The following DESI2 variants were observed in gnomAD, a reference collection of about 807,000 sequenced individuals.
DESI2 encodes the protein desumoylating isopeptidase 2, also known as deubiquitinase DESI2.
DESI2 carries 10 observed loss-of-function variants against 24.1 expected under a neutral mutation model. The observed-to-expected ratio is 0.41, with a 90% CI of 0.26 to 0.70. The LOEUF (loss-of-function observed/expected upper bound fraction) is 0.70, where lower values mean the gene tolerates loss of function less well. Among genes scored for constraint, DESI2 ranks in the 30% least tolerant of loss-of-function variants. The probability of loss-of-function intolerance (pLI) is 0.29; values close to 1 mark genes in which losing one functional copy is unlikely to be tolerated. For synonymous variants in DESI2, 71 were observed against 87.7 expected, an observed-to-expected ratio of 0.81 and a Z score of 1.06; for missense variants, 122 against 234.9, an observed-to-expected ratio of 0.52 and a Z score of 3.14.
At chr1:244,662,246 T>TG (rs1675874133) in intron 1 of DESI2, among the ~76,000 whole-genome samples, 1 of 152,234 alleles carries the variant, frequency 6.6e-6, no homozygotes, top group Non-Finnish European at 1.5e-5. Flanking sequence ...CACTTGTTGA[T>TG]GGGGTTGTTT....
chr1:244,679,284 G>A (rs1360233039), intron 1 of DESI2, among the ~76,000 whole-genome samples: 1 of 152,170 alleles, frequency 6.6e-6, no homozygotes, highest in East Asian at 1.9e-4. Context: ...GGGGGAGAAA[G>A]TAAGAGGATA....
intron 4 of DESI2, among the ~76,000 whole-genome samples, chr1:244,703,355 TTTTG>T (rs748250901): frequency 2.0e-5 from 3 of 151,920 alleles, no homozygotes; most frequent in Non-Finnish European, 2.9e-5. Context: ...ATACATTCTT[TTTTG>T]TTTGTTTTGT....
At chr1:244,682,870 ACT>A (rs1347552042) in intron 1 of DESI2, among the ~76,000 whole-genome samples, 3 of 147,196 alleles carry the variant, frequency 2.0e-5, no homozygotes, top group Non-Finnish European at 4.5e-5. Flanking sequence ...AAAAAAAAAA[ACT>A]CAGTGATATT....
intron 1 of DESI2, among the ~76,000 whole-genome samples, chr1:244,672,155 A>G (rs1676269194): frequency 6.6e-6 from 1 of 152,056 alleles, no homozygotes; most frequent in South Asian, 2.1e-4. Flanking sequence ...GCAACATAGC[A>G]AGACTCCATC....
intron 1 of DESI2, among the ~76,000 whole-genome samples, chr1:244,670,794 A>G (rs945001266): frequency 6.6e-6 from 1 of 152,246 alleles, no homozygotes; most frequent in Admixed American, 6.5e-5. Flanking sequence ...CATATGAACA[A>G]ACCAAGGCAA....
At chr1:244,683,277 G>C (rs758474163) in intron 1 of DESI2, among the ~76,000 whole-genome samples, 1 of 152,108 alleles carries the variant, frequency 6.6e-6, no homozygotes, top group Non-Finnish European at 1.5e-5. Flanking sequence ...GGGCCTAGGA[G>C]AAGGTTCAGG....
At chr1:244,668,476 G>T (rs1676126451) in intron 1 of DESI2, among the ~76,000 whole-genome samples, 1 of 152,068 alleles carries the variant, frequency 6.6e-6, no homozygotes, top group Admixed American at 6.5e-5. Flanking sequence ...ACCCTTTTTT[G>T]AGAAATAAGT....
intron 2 of DESI2, among the ~76,000 whole-genome samples, chr1:244,688,822 C>T (rs987010944): frequency 1.3e-5 from 2 of 152,098 alleles, no homozygotes; most frequent in Admixed American, 6.6e-5. Flanking sequence ...TAGTCTTTAT[C>T]CCAGAAACCA....
chr1:244,659,249 A>G (rs1345817866), intron 1 of DESI2, among the ~76,000 whole-genome samples: 2 of 152,160 alleles, frequency 1.3e-5, no homozygotes, highest in African/African-American at 2.4e-5. Context: ...TTCCATACAT[A>G]TGTACATTTG....
chr1:244,679,963 A>C (rs1676549800), intron 1 of DESI2, among the ~76,000 whole-genome samples: 1 of 150,018 alleles, frequency 6.7e-6, no homozygotes, highest in African/African-American at 2.4e-5. Flanking sequence ...AGTATTATTG[A>C]ATATATAGTC....
intron 1 of DESI2, among the ~76,000 whole-genome samples, chr1:244,679,239 ACC>A (rs1395895521): frequency 1.3e-5 from 2 of 152,084 alleles, no homozygotes; most frequent in Non-Finnish European, 2.9e-5. Flanking sequence ...ATGGGGTTTC[ACC>A]ATGTTGCCCA....
intron 4 of DESI2, among the ~76,000 whole-genome samples, chr1:244,701,215 ACCCCCCCCCCC>A (rs71587007): frequency 7.6e-5 from 1 of 13,120 alleles, no homozygotes; most frequent in East Asian, 4.1e-3. Flanking sequence ...CTTCCCCTCC[ACCCCCCCCCCC>A]CCCCCCCCGC....
Position 244,708,246 on chromosome 1 carries a change from C to CA in DESI2, c.*2458dup, listed in dbSNP as rs1347686019. Reference sequence around the variant, plus strand: ...AACATACTTCTCATGGTGGGTTGGACAGTAATACATGTTAGAGGGTCAGAA... The same window carrying CA: ...AACATACTTCTCATGGTGGGTTGGACAAGTAATACATGTTAGAGGGTCAGAA... On this transcript the variant is annotated 3_prime_UTR_variant, in exon 5 of 5. Transcript: ENST00000302550. 3.3e-5 allele frequency: 5 copies of CA among 152,480 alleles called. No homozygotes were observed. Among genetic ancestry groups the CA allele is most frequent in the Non-Finnish European group, 7.3e-5 (5 of 68,030 alleles). The allele number at this position is 152,480 out of a possible 1,614,324, so 9.4% of individuals were successfully genotyped here.
chr1:244,685,072 T>G (rs139482798), intron 1 of DESI2, among the ~76,000 whole-genome samples: 143 of 152,332 alleles, frequency 9.4e-4, no homozygotes, highest in African/African-American at 3.3e-3. Flanking sequence ...ATATGAATCT[T>G]TGTTATATCC....
rs1165746675 is a variant in DESI2 at position 244,694,421 on chromosome 1, T to C, written c.351+2401T>C. 5 of 727,210 alleles carry C rather than the reference T, an allele frequency of 6.9e-6. No homozygotes were observed. The African/African-American group carries it at 8.7e-5, about 13-fold the overall frequency. 45.0% of individuals were successfully genotyped at this position (727,210 alleles called of 1,614,324 possible). ...GGAACATCTATTGCATTACTCATCGTTGAAATTCTTAAGATGAACTGGATG... is the reference window on the plus strand; with the variant it reads ...GGAACATCTATTGCATTACTCATCGCTGAAATTCTTAAGATGAACTGGATG... On this transcript the variant is annotated intron_variant, in intron 4 of 4. Transcript: ENST00000302550.
chr1:244,699,474 C>A (rs530633470), intron 4 of DESI2, among the ~76,000 whole-genome samples: 3 of 148,998 alleles, frequency 2.0e-5, no homozygotes, highest in Middle Eastern at 3.5e-3. Context: ...CCCAGCTACT[C>A]GGGAGGCTGA....
In DESI2 at chr1:244,705,633, T is replaced by C. The variant is rs530003762; in HGVS notation, c.429T>C (p.Ser143=). Residue 143 remains serine (S), a synonymous_variant, in exon 5 of 5, where the codon AGT becomes AGC. Transcript: ENST00000302550. The stretch of plus-strand genomic sequence containing the variant: ...GCTCCTGTATACCCTTTCTACAGAG[T>C]TGCCTCCCGAAGGAGTGGCTCACGC... ...YFSSCIPFLQ[S]CLPKEWLTPA... is the part of the protein sequence containing the mutation. The C allele has an allele frequency of 1.2e-6, 2 of 1,614,190 alleles. No individual in the cohort carries two copies. Among genetic ancestry groups the C allele is most frequent in the Non-Finnish European group, 1.7e-6 (2 of 1,180,034 alleles).
At chr1:244,663,997 G>T (rs971108338) in intron 1 of DESI2, among the ~76,000 whole-genome samples, 2 of 130,424 alleles carry the variant, frequency 1.5e-5, no homozygotes, top group South Asian at 5.1e-4. Flanking sequence ...CAGCCTGGGC[G>T]ACAGAGTGAG....
intron 1 of DESI2, among the ~76,000 whole-genome samples, chr1:244,657,280 C>A (rs767654790): frequency 3.9e-5 from 6 of 152,174 alleles, no homozygotes; most frequent in Non-Finnish European, 7.3e-5. Flanking sequence ...AGATCTAATT[C>A]AGACTTTTTG....
Sources: allele counts gnomAD v4.1 joint callset (sites outside exome capture counted in the v4.1 genomes callset), GRCh38; gene constraint gnomAD v4.1.1; transcripts MANE v1.5; gene names NCBI Gene and HGNC (gene_info 2026-07-23, HGNC 2026-07-21).